MYH11: variants seen among roughly 807,000 people sequenced by gnomAD.
MYH11 encodes the protein myosin-11.
A neutral mutation model predicts 246.6 loss-of-function variants in MYH11; 80 were observed. That is an observed-to-expected ratio of 0.32 (90% CI 0.27 to 0.39). The LOEUF is 0.39. Among genes scored for constraint, MYH11 ranks in the 10% least tolerant of loss-of-function variants. The pLI, the probability that MYH11 is intolerant of heterozygous loss-of-function variation, is 1.00. For missense variants in MYH11, 2,158 were observed against 2,546.8 expected, an observed-to-expected ratio of 0.85 and a Z score of 3.29; for synonymous variants, 1,071 against 1,015.5, an observed-to-expected ratio of 1.05 and a Z score of -1.04.
At chr16:15,791,546 G>T (rs1250734743) in intron 4 of MYH11, 1 of 152,156 alleles carries the variant, frequency 6.6e-6, no homozygotes, top group Non-Finnish European at 1.5e-5. Context: ...GGACCAGGTT[G>T]CTCAAGTTCA....
Position 15,724,745 on chromosome 16 carries a change from G to C in MYH11, c.4018C>G (p.Gln1340Glu). ...QKLNVSTKLR[Q>E]LEEERNSLQD... ...AGGCTGTTCCGCTCCTCCTCCAGCT[G>C]GCGCAGCTTCGTAGACACGTTGAGC... is the stretch of plus-strand genomic sequence containing the variant. The change falls in exon 30 of 41, where the codon CAG (glutamine) becomes GAG (glutamate). Residue 1340 changes from glutamine to glutamate, a missense_variant. Gln to Glu is a conservative substitution (Grantham distance 29). Transcript: ENST00000300036. 6.2e-7 allele frequency: 1 copy of C among 1,614,158 alleles called. No homozygotes were observed. The highest frequency in any genetic ancestry group is 8.5e-7 in the Non-Finnish European group (1 of 1,180,030).
chr16:15,713,303 T>C (rs879668564), intron 40 of MYH11: 1 of 151,954 alleles, frequency 6.6e-6, no homozygotes, highest in Non-Finnish European at 1.5e-5. Context: ...GATGAGGCAG[T>C]GGGAGCTTGT....
intron 1 of MYH11, among the ~76,000 whole-genome samples, chr16:15,846,832 C>A (rs1362829268): frequency 6.6e-6 from 1 of 152,068 alleles, no homozygotes; most frequent in South Asian, 2.1e-4. Context: ...TGTGCACCTG[C>A]AGTCCCAGCT....
intron 4 of MYH11, among the ~76,000 whole-genome samples, chr16:15,797,579 A>G (rs1322571680): frequency 6.7e-6 from 1 of 148,332 alleles, no homozygotes; most frequent in Non-Finnish European, 1.5e-5. Context: ...AATATAATAC[A>G]TATTATATAT....
At chr16:15,849,732 A>G (rs2044283380) in intron 1 of MYH11, among the ~76,000 whole-genome samples, 1 of 152,288 alleles carries the variant, frequency 6.6e-6, no homozygotes, top group Admixed American at 6.5e-5. Flanking sequence ...GATTACAAGC[A>G]TGAGCCACCG....
chr16:15,851,323 C>T (rs368280472), intron 1 of MYH11, among the ~76,000 whole-genome samples: 1 of 152,074 alleles, frequency 6.6e-6, no homozygotes, highest in Non-Finnish European at 1.5e-5. Flanking sequence ...ATTTATTGGG[C>T]CCCTTGTATT....
intron 8 of MYH11, among the ~76,000 whole-genome samples, chr16:15,774,223 G>A (rs190201966): frequency 2.2e-3 from 339 of 152,272 alleles, no homozygotes; most frequent in Admixed American, 3.4e-3. Flanking sequence ...TCATTATCCC[G>A]AGTTTGGATG....
chr16:15,783,292 G>C (rs1400898100), intron 5 of MYH11: 1 of 152,376 alleles, frequency 6.6e-6, no homozygotes, highest in Non-Finnish European at 1.5e-5. Context: ...TGGATTCTGG[G>C]AGTTTTTCTC....
At chr16:15,847,094 C>G (rs1173974790) in intron 1 of MYH11, among the ~76,000 whole-genome samples, 1 of 152,072 alleles carries the variant, frequency 6.6e-6, no homozygotes, top group Admixed American at 6.6e-5. Context: ...CATTCACCAC[C>G]TCGGCCACTT....
chr16:15,827,788 A>G (rs1177225870), intron 2 of MYH11, among the ~76,000 whole-genome samples: 1 of 152,224 alleles, frequency 6.6e-6, no homozygotes, highest in Non-Finnish European at 1.5e-5. Context: ...GGGGCCTTGC[A>G]CGGCGGCAGT....
At chr16:15,804,693 G>A (rs762140211) in intron 3 of MYH11, among the ~76,000 whole-genome samples, 14 of 151,940 alleles carry the variant, frequency 9.2e-5, no homozygotes, top group Non-Finnish European at 1.6e-4. Context: ...CCTTGCAACC[G>A]CCAATTTGCT....
rs975565182 is a variant in MYH11, at chr16:15,828,685, C to T, written c.346-5274G>A. 8.4e-4 allele frequency among the ~76,000 whole-genome samples: 126 copies of T among 150,084 alleles called. 2 individuals carry two copies. Among genetic ancestry groups the T allele is most frequent in the South Asian group, 2.1e-4 (1 of 4,742 alleles). On this transcript the variant is annotated intron_variant, in intron 2 of 40. Coordinates refer to ENST00000300036, the MANE Select transcript of MYH11 (RefSeq NM_002474.3). ...GCAGGCGCCTGTAATCCCAGCTAGT[C>T]GGGAGGCCGAGGTAGGAGAATCACT...
intron 6 of MYH11, among the ~76,000 whole-genome samples, chr16:15,781,498 C>A (rs75358159): frequency 0.026 from 3,946 of 152,318 alleles, 72 homozygotes; most frequent in East Asian, 0.13. Context: ...CCCCCTTCTC[C>A]TGGAATGCAG....
chr16:15,754,076 G>A (rs2041648298), intron 14 of MYH11, among the ~76,000 whole-genome samples: 1 of 151,046 alleles, frequency 6.6e-6, no homozygotes, highest in African/African-American at 2.4e-5. Context: ...AATTAGCCAG[G>A]CATGGTGGTG....
At position 15,838,313 on chromosome 16, in the gene MYH11, C is replaced by T; in HGVS notation, c.-17-44G>A. On this transcript the variant is annotated intron_variant, in intron 1 of 40. Transcript: ENST00000300036. ...GGGTCAGAATCAGACCACAACCAAG[C>T]CCGGAAGACAGACCAACCACTCACC... 3.3e-6 allele frequency: 5 copies of T among 1,537,224 alleles called. No homozygotes were observed. The South Asian group carries it at 3.4e-5, about 10-fold the overall frequency.
chr16:15,807,152 A>AT (rs1030152332), intron 3 of MYH11, among the ~76,000 whole-genome samples: 7 of 151,574 alleles, frequency 4.6e-5, no homozygotes, highest in East Asian at 3.9e-4. Context: ...TTTTGTTTTC[A>AT]TTTTTTTTGT....
At chr16:15,727,122 C>T (rs2040805772) in intron 27 of MYH11, 68 bp from the exon 28 acceptor site, 2 of 1,443,226 alleles carry the variant, frequency 1.4e-6, no homozygotes, top group Non-Finnish European at 1.9e-6. Context: ...CAGGCCCTGC[C>T]CTTTCCTCCC....
At chr16:15,780,965 TTCCTTG>T (rs1163009289) in intron 6 of MYH11, among the ~76,000 whole-genome samples, 2 of 152,192 alleles carry the variant, frequency 1.3e-5, no homozygotes, top group Non-Finnish European at 2.9e-5. Flanking sequence ...CTTGACCCTT[TTCCTTG>T]TATTTGTAGC....
chr16:15,823,819 G>A (rs920358362), intron 2 of MYH11, among the ~76,000 whole-genome samples: 2 of 152,050 alleles, frequency 1.3e-5, no homozygotes, highest in Admixed American at 1.3e-4. Context: ...AGAGACATGG[G>A]TTTCACTGTG....
Sources: gnomAD v4.1 joint callset for allele counts (sites outside exome capture counted in the v4.1 genomes callset) on GRCh38, gnomAD v4.1.1 for gene constraint, MANE v1.5 for transcripts, NCBI Gene and HGNC (gene_info 2026-07-23, HGNC 2026-07-21) for gene names.